The following C12orf50 variants were observed in gnomAD, a reference collection of about 807,000 sequenced individuals.
C12orf50 encodes zinc finger CCCH-type containing 11D.
C12orf50 carries 35 observed loss-of-function variants against 61.6 expected under a neutral mutation model. The observed-to-expected ratio is 0.57, with a 90% CI of 0.43 to 0.75. The LOEUF is 0.75. C12orf50 is among the 30% of genes least tolerant of loss of function. C12orf50 has a pLI of 0.00. For synonymous variants in C12orf50, 178 were observed against 161.5 expected, an observed-to-expected ratio of 1.10 and a Z score of -0.77; for missense variants, 475 against 488.5, an observed-to-expected ratio of 0.97 and a Z score of 0.26.
intron 3 of C12orf50, among the ~76,000 whole-genome samples, chr12:88,018,485 A>G (rs1465179867): frequency 1.3e-5 from 2 of 152,228 alleles, no homozygotes; most frequent in Non-Finnish European, 2.9e-5. Context: ...TGGAAGGGAA[A>G]TGTGGGGCCA....
chr12:88,023,411 A>G (rs2032590196), intron 3 of C12orf50, among the ~76,000 whole-genome samples: 1 of 151,942 alleles, frequency 6.6e-6, no homozygotes, highest in South Asian at 2.1e-4. Context: ...CATGCCTATA[A>G]TCCCAGCACT....
intron 7 of C12orf50, among the ~76,000 whole-genome samples, chr12:87,993,755 T>C (rs1459232287): frequency 1.3e-5 from 2 of 152,198 alleles, no homozygotes; most frequent in Non-Finnish European, 1.5e-5. Context: ...AATCTCTATA[T>C]ATTTTCAAAA....
chr12:88,027,611 T>A (rs1194992932), intron 1 of C12orf50, among the ~76,000 whole-genome samples: 1 of 152,252 alleles, frequency 6.6e-6, no homozygotes, highest in Non-Finnish European at 1.5e-5. Flanking sequence ...ACATTAAATA[T>A]ATGTGCTTTG....
intron 7 of C12orf50, among the ~76,000 whole-genome samples, chr12:87,994,131 T>C (rs1332298226): frequency 6.6e-6 from 1 of 151,708 alleles, no homozygotes; most frequent in East Asian, 1.9e-4. Context: ...ACTCGGGAGA[T>C]GGAGGTTGCA....
Position 88,027,013 on chromosome 12 carries a change from A to T in C12orf50, c.-51T>A. The T allele has an allele frequency of 6.2e-7, 1 of 1,613,988 alleles. No homozygotes were observed. The highest frequency in any genetic ancestry group is 8.5e-7 in the Non-Finnish European group (1 of 1,179,962). On this transcript the variant is annotated 5_prime_UTR_variant, in exon 2 of 13. Coordinates refer to ENST00000298699, the MANE Select transcript of C12orf50 (RefSeq NM_152589.3). ...AAACATTTCCTCTCTCTCCATAATG[A>T]GCACACAGTGTCACTGCCAAGGGCC...
chr12:88,023,907 A>G (rs1296501189), intron 3 of C12orf50, among the ~76,000 whole-genome samples: 2 of 152,188 alleles, frequency 1.3e-5, no homozygotes, highest in African/African-American at 2.4e-5. Flanking sequence ...ACAAAGGTCT[A>G]ATATCCAGAA....
chr12:88,001,531 CT>C (rs59045776), intron 3 of C12orf50, among the ~76,000 whole-genome samples: 22,010 of 139,746 alleles, frequency 0.16, 1,991 homozygotes, highest in African/African-American at 0.27. Flanking sequence ...GTTGCATCAT[CT>C]TTTTTTTTTT....
chr12:88,016,851 G>A (rs1325540076), intron 3 of C12orf50, among the ~76,000 whole-genome samples: 3 of 152,212 alleles, frequency 2.0e-5, no homozygotes, highest in Non-Finnish European at 2.9e-5. Flanking sequence ...ATCATAGGGA[G>A]TATGGCAATA....
At chr12:87,993,336 C>G (rs1412067860) in intron 7 of C12orf50, among the ~76,000 whole-genome samples, 1 of 152,160 alleles carries the variant, frequency 6.6e-6, no homozygotes, top group Non-Finnish European at 1.5e-5. Flanking sequence ...TTTCAACAAA[C>G]TGTTCGATTA....
chr12:87,988,020 A>G (rs2030921037), intron 8 of C12orf50, 54 bp from the exon 9 acceptor site: 11 of 1,175,428 alleles, frequency 9.4e-6, no homozygotes. Context: ...TAAAAAAAGC[A>G]TTTCAGTTGT....
chr12:88,009,099 T>C (rs2032001001), intron 3 of C12orf50, among the ~76,000 whole-genome samples: 1 of 152,138 alleles, frequency 6.6e-6, no homozygotes, highest in Non-Finnish European at 1.5e-5. Context: ...TGCTGTTACG[T>C]GCATTCTTGT....
chr12:87,994,611 A>T, intron 7 of C12orf50, 22 bp downstream of exon 7: 1 of 1,456,912 alleles, frequency 6.9e-7, no homozygotes. Context: ...ATTCAGGGTC[A>T]ATCAGTAATA....
At position 87,999,471 on chromosome 12, in the gene C12orf50, A is replaced by T. The variant is rs535205719; in HGVS notation, c.134-1281T>A. On this transcript the variant is annotated intron_variant, in intron 3 of 12. Transcript: ENST00000298699. ...AAAACCAAATGAGATATCACTTCATACTACAACGATTACAATGATTAATTT... is the reference window on the plus strand; with the variant it reads ...AAAACCAAATGAGATATCACTTCATTCTACAACGATTACAATGATTAATTT... 2.0e-5 allele frequency among the ~76,000 whole-genome samples: 3 copies of T among 152,168 alleles called. No individual in the cohort carries two copies. In the South Asian group the frequency reaches 6.2e-4, roughly 31 times the overall value.
intron 11 of C12orf50, chr12:87,984,667 T>C (rs753655797): frequency 6.6e-6 from 1 of 152,212 alleles, no homozygotes; most frequent in Admixed American, 6.5e-5. Context: ...GTTATATTTG[T>C]GTTTTCAAAT....
At chr12:88,017,702 G>A (rs2032363540) in intron 3 of C12orf50, among the ~76,000 whole-genome samples, 1 of 152,152 alleles carries the variant, frequency 6.6e-6, no homozygotes. Flanking sequence ...ATAATGATAT[G>A]GACAATGAAA....
At chr12:88,017,934 A>C (rs1166770852) in intron 3 of C12orf50, among the ~76,000 whole-genome samples, 1 of 152,368 alleles carries the variant, frequency 6.6e-6, no homozygotes, top group South Asian at 2.1e-4. Context: ...AAAGGCATTC[A>C]GTTCTAAAAA....
At chr12:88,020,844 G>GGCCAC (rs1244075302) in intron 3 of C12orf50, among the ~76,000 whole-genome samples, 2 of 150,702 alleles carry the variant, frequency 1.3e-5, no homozygotes, top group Non-Finnish European at 2.9e-5. Flanking sequence ...CATGCCCTCA[G>GGCCAC]GCCACAGCAC....
chr12:88,022,762 C>CA lies in C12orf50; in HGVS notation c.133+3725dup, dbSNP rs372890091. Among the ~76,000 whole-genome samples, 57 of 152,120 alleles carry CA rather than the reference C, an allele frequency of 3.7e-4. 1 individual carries two copies. Among genetic ancestry groups the CA allele is most frequent in the African/African-American group, 1.4e-3 (57 of 41,480 alleles). The stretch of plus-strand genomic sequence containing the variant: ...AATGCAATTCCATTAATAACTGCCA[C>CA]AAAAAGAATAATATATCTAGGAATA... On this transcript the variant is annotated intron_variant, in intron 3 of 12. Transcript: ENST00000298699.
chr12:87,980,242 T>A lies in C12orf50; in HGVS notation c.*89A>T, dbSNP rs2030389306. On this transcript the variant is annotated 3_prime_UTR_variant, in exon 13 of 13. Coordinates refer to ENST00000298699, the MANE Select transcript of C12orf50 (RefSeq NM_152589.3). ...CACTACATAACATGGAGTACTTGAG[T>A]ATCTCATTCTTTGAATTTTCATTTT... is the stretch of plus-strand genomic sequence containing the variant. The A allele has an allele frequency of 7.8e-7, 1 of 1,284,312 alleles. No individual in the cohort carries two copies. The highest frequency in any genetic ancestry group is 1.1e-6 in the Non-Finnish European group (1 of 891,614). The allele number at this position is 1,284,312 out of a possible 1,614,324, so 79.6% of individuals were successfully genotyped here.
Sources: gnomAD v4.1 joint callset for allele counts (sites outside exome capture counted in the v4.1 genomes callset) on GRCh38, gnomAD v4.1.1 for gene constraint, MANE v1.5 for transcripts, NCBI Gene and HGNC (gene_info 2026-07-23, HGNC 2026-07-21) for gene names.